The following RAB6B variants were observed in gnomAD, a reference collection of about 807,000 sequenced individuals.
The protein encoded by RAB6B is ras-related protein Rab-6B.
In RAB6B, 7 loss-of-function variants were observed where a neutral mutation model predicts 31.2. The observed-to-expected ratio is 0.22, with a 90% CI of 0.13 to 0.42. The LOEUF (loss-of-function observed/expected upper bound fraction) is 0.42. Among genes scored for constraint, RAB6B ranks in the 10% least tolerant of loss-of-function variants. The pLI is 1.00. For missense variants in RAB6B, 149 were observed against 280.6 expected (o/e 0.53, Z 3.35); for synonymous variants, 105 against 104.9 (o/e 1.00, Z -0.01).
intron 7 of RAB6B, among the ~76,000 whole-genome samples, chr3:133,830,503 G>A (rs1453498279): frequency 1.3e-5 from 2 of 152,054 alleles, no homozygotes; most frequent in Non-Finnish European, 2.9e-5. Context: ...TCTTTCCTTT[G>A]TTCATGCTGT....
chr3:133,860,972 G>C (rs919981341), intron 2 of RAB6B, among the ~76,000 whole-genome samples: 2 of 152,238 alleles, frequency 1.3e-5, no homozygotes, highest in Admixed American at 1.3e-4. Context: ...AGCCAGGAGT[G>C]ATAGAGGGCC....
chr3:133,836,656 T>G (rs2692672), intron 6 of RAB6B, among the ~76,000 whole-genome samples: 41,021 of 151,978 alleles, frequency 0.27, 5,656 homozygotes, highest in African/African-American at 0.29. Flanking sequence ...CTGCCCTCCC[T>G]CTGCTTCCCT....
intron 1 of RAB6B, among the ~76,000 whole-genome samples, chr3:133,888,869 C>G (rs541713352): frequency 1.3e-5 from 2 of 152,106 alleles, no homozygotes; most frequent in Non-Finnish European, 2.9e-5. Context: ...CTTCCAGTCC[C>G]CAGGCCCTGC....
Position 133,827,478 on chromosome 3 carries a change from T to G in RAB6B, c.*1310A>C. The stretch of plus-strand genomic sequence containing the variant: ...CAGAGACTTTGCAGATTCTCAGGAC[T>G]AAGCCATTCTCAGGAATGAATCAAA... On this transcript the variant is annotated 3_prime_UTR_variant, in exon 8 of 8. Transcript: ENST00000285208. 1 of 185,192 alleles carries G rather than the reference T, an allele frequency of 5.4e-6. No individual in the cohort carries two copies. Among genetic ancestry groups the G allele is most frequent in the Non-Finnish European group, 1.1e-5 (1 of 88,794 alleles). 11.5% of individuals were successfully genotyped at this position (185,192 alleles called of 1,614,324 possible).
chr3:133,837,680 G>A (rs561015533), intron 6 of RAB6B, among the ~76,000 whole-genome samples: 2 of 152,238 alleles, frequency 1.3e-5, no homozygotes, highest in South Asian at 2.1e-4. Flanking sequence ...CCACTGCCTC[G>A]CCCTCCTGTG....
chr3:133,864,354 C>A (rs1249232203), intron 2 of RAB6B, among the ~76,000 whole-genome samples: 1 of 152,164 alleles, frequency 6.6e-6, no homozygotes, highest in African/African-American at 2.4e-5. Flanking sequence ...CAGACTCTCT[C>A]TATTTTTAGA....
At chr3:133,829,937 T>A (rs1435493618) in intron 7 of RAB6B, among the ~76,000 whole-genome samples, 1 of 144,896 alleles carries the variant, frequency 6.9e-6, no homozygotes, top group Non-Finnish European at 1.6e-5. Context: ...TGTACACACA[T>A]ACACATACAA....
chr3:133,868,720 T>C (rs1018187294), intron 1 of RAB6B, among the ~76,000 whole-genome samples: 1 of 152,200 alleles, frequency 6.6e-6, no homozygotes, highest in African/African-American at 2.4e-5. Context: ...CATTTCTCCT[T>C]TTTCAACCAA....
chr3:133,845,551 ATTTTG>A (rs1490248721), intron 2 of RAB6B, among the ~76,000 whole-genome samples: 8 of 152,254 alleles, frequency 5.3e-5, no homozygotes, highest in Non-Finnish European at 1.2e-4. Context: ...TACCCAGTCT[ATTTTG>A]TTATAGCAGC....
intron 4 of RAB6B, among the ~76,000 whole-genome samples, chr3:133,840,185 G>A (rs1409295790): frequency 6.6e-6 from 1 of 151,814 alleles, no homozygotes; most frequent in East Asian, 1.9e-4. Flanking sequence ...GAGAGGAGGG[G>A]AAAGGTGGCC....
At chr3:133,837,373 T>C (rs921461335) in intron 6 of RAB6B, among the ~76,000 whole-genome samples, 19 of 152,170 alleles carry the variant, frequency 1.2e-4, no homozygotes, top group African/African-American at 4.1e-4. Flanking sequence ...ATCTAATAAG[T>C]AGTGTGATGC....
chr3:133,890,799 T>C (rs1342535156), intron 1 of RAB6B, among the ~76,000 whole-genome samples: 1 of 152,190 alleles, frequency 6.6e-6, no homozygotes. Flanking sequence ...CCTCAGAAGA[T>C]GCTTAAAATT....
chr3:133,831,109 T>C (rs950869631), intron 7 of RAB6B, among the ~76,000 whole-genome samples: 3 of 152,240 alleles, frequency 2.0e-5, no homozygotes, highest in African/African-American at 7.2e-5. Context: ...TCATGCGCAA[T>C]TTGATCACAA....
chr3:133,841,070 G>A (rs114344852), intron 4 of RAB6B, among the ~76,000 whole-genome samples: 5 of 152,304 alleles, frequency 3.3e-5, no homozygotes, highest in African/African-American at 4.8e-5. Context: ...AACCCCTGTC[G>A]GTTGCAGGAG....
chr3:133,852,030 G>T (rs1278067759), intron 2 of RAB6B, among the ~76,000 whole-genome samples: 2 of 152,234 alleles, frequency 1.3e-5, no homozygotes, highest in Non-Finnish European at 2.9e-5. Context: ...GATCTACACT[G>T]ATGGGCATTC....
chr3:133,839,402 C>A lies in RAB6B; in HGVS notation c.401+104G>T. The A allele has an allele frequency of 4.0e-6, 4 of 1,004,612 alleles. 1 individual carries two copies. The South Asian group carries it at 5.5e-5, about 14-fold the overall frequency. The allele number at this position is 1,004,612 out of a possible 1,614,324, so 62.2% of individuals were successfully genotyped here. On this transcript the variant is annotated intron_variant, in intron 5 of 7. Transcript: ENST00000285208. The stretch of plus-strand genomic sequence containing the variant: ...AAGGGACCTTTTCCGGATGCATGGT[C>A]AGAAGCACAGACACACCACCCATGC...
chr3:133,889,364 C>A (rs1936597397), intron 1 of RAB6B, among the ~76,000 whole-genome samples: 1 of 101,668 alleles, frequency 9.8e-6, no homozygotes, highest in Admixed American at 1.1e-4. Flanking sequence ...GAATAAGGAA[C>A]AAAAGGACAA....
At chr3:133,870,506 G>C (rs750539771) in intron 1 of RAB6B, among the ~76,000 whole-genome samples, 3 of 152,156 alleles carry the variant, frequency 2.0e-5, no homozygotes, top group Non-Finnish European at 4.4e-5. Flanking sequence ...GGAGAGAATG[G>C]GGAGGAGAGC....
intron 1 of RAB6B, among the ~76,000 whole-genome samples, chr3:133,879,091 T>G (rs1936432981): frequency 6.6e-6 from 1 of 152,178 alleles, no homozygotes; most frequent in African/African-American, 2.4e-5. Context: ...GCTTTCTTCA[T>G]ACATCCAATA....
Sources: gnomAD v4.1 joint callset for allele counts (sites outside exome capture counted in the v4.1 genomes callset) on GRCh38, gnomAD v4.1.1 for gene constraint, MANE v1.5 for transcripts, NCBI Gene and HGNC (gene_info 2026-07-23, HGNC 2026-07-21) for gene names.